VWF: variants seen among roughly 807,000 people sequenced by gnomAD.
VWF encodes von Willebrand factor.
VWF carries 176 observed loss-of-function variants against 308.6 expected under a neutral mutation model. That is an observed-to-expected ratio of 0.57 (90% CI 0.50 to 0.65). The LOEUF (loss-of-function observed/expected upper bound fraction) is 0.65, where lower values mean the gene tolerates loss of function less well. Ranked by LOEUF, VWF falls within the 30% of genes least tolerant of loss-of-function variation. The probability of loss-of-function intolerance (pLI) is 0.00; values close to 1 mark genes in which losing one functional copy is unlikely to be tolerated. For synonymous variants in VWF, 1,385 were observed against 1,443.4 expected (o/e 0.96, Z 0.92); for missense variants, 3,146 against 3,648.2 (o/e 0.86, Z 3.55).
chr12:5,980,129 AG>A (rs758580362), intron 42 of VWF, among the ~76,000 whole-genome samples: 2,199 of 63,718 alleles, frequency 0.035, 51 homozygotes, highest in East Asian at 0.15. Context: ...GAAGGAAGGA[AG>A]GAAGGAAGAA....
At chr12:5,986,069 G>C (rs1481123428) in intron 38 of VWF, among the ~76,000 whole-genome samples, 1 of 151,644 alleles carries the variant, frequency 6.6e-6, no homozygotes, top group East Asian at 1.9e-4. Flanking sequence ...AAGAGCGGTG[G>C]GGAGGACAGC....
At position 6,025,919 on chromosome 12, in the gene VWF, G is replaced by T. The variant is rs531867007; in HGVS notation, c.3095C>A (p.Ala1032Asp). 1.9e-6 allele frequency: 3 copies of T among 1,613,990 alleles called. No individual in the cohort carries two copies. In the Admixed American group the frequency reaches 5.0e-5, roughly 27 times the overall value. ...GNSWKVSSQCADTRKVPLDSS... is the reference protein window; with the variant it reads ...GNSWKVSSQCDDTRKVPLDSS... ...ACCCAGACGTACTTTTCTGGTGTCA[G>T]CACACTGCGAGCTCACTTTCCAGGA... The change falls in exon 23 of 52, where the codon GCT (alanine) becomes GAT (aspartate). Residue 1032 changes from alanine (A) to aspartate (D), a missense_variant. Physicochemically the swap from Ala to Asp is moderately radical, Grantham distance 126. Transcript: ENST00000261405.
chr12:6,109,411 G>A (rs1270271828), intron 5 of VWF, among the ~76,000 whole-genome samples: 3 of 152,028 alleles, frequency 2.0e-5, no homozygotes, highest in Admixed American at 2.0e-4. Context: ...GTACATATCA[G>A]ACAATAAAAT....
In VWF at chr12:5,991,934, CCACAGGAGCT is replaced by C; in HGVS notation, c.6673_6682del (p.Ser2225GlyfsTer82). The C allele has an allele frequency of 6.2e-7, 1 of 1,614,182 alleles. No homozygotes were observed. Among genetic ancestry groups the C allele is most frequent in the Non-Finnish European group, 8.5e-7 (1 of 1,180,024 alleles). On this transcript the variant is annotated frameshift_variant, in exon 38 of 52. Coordinates refer to ENST00000261405, the MANE Select transcript of VWF (RefSeq NM_000552.5). LOFTEE classifies it high-confidence loss of function. ...GAAACAGCCTTCGGAGGGATGGTCC[CCACAGGAGCT>C]CACGTTGCCATCACAGTGCCGGGGA...
At chr12:5,980,290 T>C (rs1181147082) in intron 42 of VWF, among the ~76,000 whole-genome samples, 5 of 136,328 alleles carry the variant, frequency 3.7e-5, no homozygotes, top group African/African-American at 1.3e-4. Flanking sequence ...CTGGACATTA[T>C]GTGCCTCTGG....
chr12:5,964,261 T>TGC (rs1943367456), intron 47 of VWF, among the ~76,000 whole-genome samples: 2 of 148,152 alleles, frequency 1.3e-5, no homozygotes, highest in African/African-American at 5.3e-5. Context: ...CATACATACA[T>TGC]ACATACATAC....
intron 5 of VWF, among the ~76,000 whole-genome samples, chr12:6,098,275 A>G (rs1389499148): frequency 1.3e-5 from 2 of 152,222 alleles, no homozygotes; most frequent in African/African-American, 4.8e-5. Context: ...ATATTACCAG[A>G]GTCCTGAATT....
At chr12:6,094,644 G>A (rs1353512667) in intron 6 of VWF, among the ~76,000 whole-genome samples, 2 of 152,146 alleles carry the variant, frequency 1.3e-5, no homozygotes, top group African/African-American at 4.8e-5. Flanking sequence ...GAAGTCCTGA[G>A]GGCTCTGCCT....
In VWF at chr12:6,019,058, C is replaced by A. The variant is rs533417176; in HGVS notation, c.4360G>T (p.Val1454Phe). 6.2e-7 allele frequency: 1 copy of A among 1,613,896 alleles called. No individual in the cohort carries two copies. The highest frequency in any genetic ancestry group is 1.1e-5 in the South Asian group (1 of 91,070). The change falls in exon 28 of 52, where the codon GTT becomes TTT. Residue 1454 changes from valine to phenylalanine, a missense_variant. Around this residue, in one of 3 missense-constraint regions of VWF, gnomAD observed 853 missense variants for 1,177.8 expected, o/e 0.72. Transcript: ENST00000261405. The surrounding 1 kb of genome is among the most constrained non-coding windows in gnomAD (Gnocchi z 5.8). Reference sequence around the variant, plus strand: ...GGGGCAAGGTCACAGAGGTAGCTAACGATCTCGTCCCTTTGCTGCTCCAGC... The same window carrying A: ...GGGGCAAGGTCACAGAGGTAGCTAAAGATCTCGTCCCTTTGCTGCTCCAGC... ...DELEQQRDEI[V>F]SYLCDLAPEA...
intron 6 of VWF, among the ~76,000 whole-genome samples, chr12:6,082,778 A>T (rs1944928099): frequency 6.6e-6 from 1 of 152,248 alleles, no homozygotes; most frequent in Non-Finnish European, 1.5e-5. Context: ...TGCCTGGTTC[A>T]TGCATCATTC....
At chr12:5,990,191 A>C (rs2136380848) in intron 38 of VWF, among the ~76,000 whole-genome samples, 1 of 152,348 alleles carries the variant, frequency 6.6e-6, no homozygotes, top group East Asian at 1.9e-4. Flanking sequence ...GCCCTAATGG[A>C]TACCCATGCT....
In VWF at chr12:6,116,790, G is replaced by A. The variant is rs143629378; in HGVS notation, c.220+4384C>T. Among the ~76,000 whole-genome samples the A allele has an allele frequency of 7.2e-3, 1,103 of 152,338 alleles. 23 individuals carry two copies. The highest frequency in any genetic ancestry group is 0.025 in the African/African-American group (1,023 of 41,570). ...GCCTTGGCACCAGGTGGCCCTTCGT[G>A]TGCGTACATAAACACTTTTCCCAGG... On this transcript the variant is annotated intron_variant, in intron 3 of 51. Coordinates refer to ENST00000261405, the MANE Select transcript of VWF (RefSeq NM_000552.5).
chr12:5,983,432 T>TAGATAGATAGATAGATAGAA (rs1187193416), intron 40 of VWF, among the ~76,000 whole-genome samples, 178 bp from the exon 41 acceptor site: 2 of 152,000 alleles, frequency 1.3e-5, no homozygotes, highest in African/African-American at 2.4e-5. Flanking sequence ...GATAGATAGA[T>TAGATAGATAGATAGATAGAA]AGAATGATAA....
Position 6,073,624 on chromosome 12 carries a change from C to T in VWF, c.992G>A (p.Cys331Tyr), listed in dbSNP as rs140004667. The change falls in exon 8 of 52, where the codon TGC (cysteine) becomes TAC (tyrosine). Residue 331 changes from cysteine to tyrosine, a missense_variant. Around this residue, in one of 3 missense-constraint regions of VWF, gnomAD observed 1,304 missense variants for 1,353.0 expected, o/e 0.96. Transcript: ENST00000261405. The part of the protein sequence containing the change: ...CQERCVDGCS[C>Y]PEGQLLDEGL... ...TAAAGTGGGAAGTTCATTACCAGGGCAGCTGCAGCCATCCACGCATCGCTC... is the reference window on the plus strand; with the variant it reads ...TAAAGTGGGAAGTTCATTACCAGGGTAGCTGCAGCCATCCACGCATCGCTC... The T allele has an allele frequency of 1.7e-5, 28 of 1,613,982 alleles. No homozygotes were observed. The highest frequency in any genetic ancestry group is 2.7e-5 in the African/African-American group (2 of 74,924).
chr12:6,069,998 CA>C (rs1263773749), intron 10 of VWF, among the ~76,000 whole-genome samples: 4 of 152,204 alleles, frequency 2.6e-5, no homozygotes, highest in Admixed American at 6.5e-5. Flanking sequence ...TAAAAAAACA[CA>C]CACAATAAAC....
intron 5 of VWF, among the ~76,000 whole-genome samples, chr12:6,101,027 A>G (rs568779854): frequency 6.2e-4 from 95 of 152,344 alleles, no homozygotes; most frequent in Non-Finnish European, 9.8e-4. Flanking sequence ...AAATTTCATA[A>G]AAGAACAAGA....
chr12:6,019,624 G>A lies in VWF; in HGVS notation c.3794C>T (p.Pro1265Leu), dbSNP rs765703178. The change falls in exon 28 of 52, where the codon CCG becomes CTG. Residue 1265 changes from proline (P) to leucine (L), a missense_variant. Pro to Leu is a moderately conservative substitution (Grantham distance 98, BLOSUM62 -3). Around this residue, in one of 3 missense-constraint regions of VWF, gnomAD observed 853 missense variants for 1,177.8 expected, o/e 0.72. Transcript: ENST00000261405. This position sits in a 1 kb window ranked among gnomAD's most constrained non-coding sequence, Gnocchi z 5.8. Reference sequence around the variant, plus strand: ...GCTGCAGTAGAAATCGTGCAACGGCGGTTCCGAGATGTCCTCCACATACAG... The same window carrying A: ...GCTGCAGTAGAAATCGTGCAACGGCAGTTCCGAGATGTCCTCCACATACAG... ...TTLYVEDISE[P>L]PLHDFYCSRL... 26 of 1,613,938 alleles carry A rather than the reference G, an allele frequency of 1.6e-5. No individual in the cohort carries two copies. Among genetic ancestry groups the A allele is most frequent in the Middle Eastern group, 1.7e-4 (1 of 6,054 alleles).
intron 43 of VWF, 95 bp from the exon 44 acceptor site, chr12:5,971,804 G>T: frequency 9.0e-7 from 1 of 1,110,762 alleles, no homozygotes; most frequent in Non-Finnish European, 1.4e-6. Context: ...CTGGGGTTGT[G>T]CCAAGTGATC....
At chr12:5,977,636 G>A (rs1943545820) in intron 42 of VWF, among the ~76,000 whole-genome samples, 1 of 152,088 alleles carries the variant, frequency 6.6e-6, no homozygotes, top group South Asian at 2.1e-4. Context: ...TTGGGAGGCT[G>A]AGGCGGGCAG....
Sources: gnomAD v4.1 joint callset for allele counts (sites outside exome capture counted in the v4.1 genomes callset) on GRCh38, gnomAD v4.1.1 for gene constraint, gnomAD v4.1.1 regional missense constraint, Gnocchi (gnomAD v3.1) non-coding constraint, MANE v1.5 for transcripts, NCBI Gene and HGNC (gene_info 2026-07-23, HGNC 2026-07-21) for gene names.